The following ARHGAP6 variants were observed in gnomAD, a reference collection of about 807,000 sequenced individuals.
ARHGAP6 encodes Rho GTPase activating protein 6.
A neutral mutation model predicts 55.7 loss-of-function variants in ARHGAP6; 16 were observed. The ratio of observed to expected loss-of-function variants is 0.29; its 90% CI spans 0.19 to 0.44. ARHGAP6 has a LOEUF of 0.44. ARHGAP6 is among the 20% of genes least tolerant of loss of function. The pLI is 1.00. For missense variants in ARHGAP6, 698 were observed against 808.9 expected (o/e 0.86, Z 1.66); for synonymous variants, 382 against 360.9 (o/e 1.06, Z -0.66).
Position 11,530,929 on chromosome X carries a change from A to G in ARHGAP6, c.588+133312T>C, listed in dbSNP as rs1173455173. Among the ~76,000 whole-genome samples, 3 of 111,778 alleles carry G rather than the reference A, an allele frequency of 2.7e-5. No homozygotes were observed. In the East Asian group the frequency reaches 8.4e-4, roughly 31 times the overall value. On this transcript the variant is annotated intron_variant, in intron 1 of 12. Coordinates refer to ENST00000337414, the MANE Select transcript of ARHGAP6 (RefSeq NM_013427.3). ...TAGACTGTCACTTTGCAGTTCAATT[A>G]TAGCATAATCATACTATTTTTCTTC...
At chrX:11,499,412 A>AC (rs1187008035) in intron 1 of ARHGAP6, among the ~76,000 whole-genome samples, 1 of 111,728 alleles carries the variant, frequency 9.0e-6, no homozygotes, top group Non-Finnish European at 1.9e-5. Context: ...CCCCTTCTAA[A>AC]CACACTGTAG....
At chrX:11,409,523 A>G (rs1200612452) in intron 1 of ARHGAP6, among the ~76,000 whole-genome samples, 1 of 112,275 alleles carries the variant, frequency 8.9e-6, no homozygotes, top group Non-Finnish European at 1.9e-5. Flanking sequence ...GGAGCAGGAC[A>G]TCCATACTCA....
intron 1 of ARHGAP6, among the ~76,000 whole-genome samples, chrX:11,655,213 C>T (rs975119382): frequency 1.8e-5 from 2 of 109,825 alleles, no homozygotes; most frequent in African/African-American, 6.6e-5. Context: ...GCATAGCATT[C>T]ATCAGTACTT....
chrX:11,500,407 T>A (rs1405879047), intron 1 of ARHGAP6, among the ~76,000 whole-genome samples: 1 of 110,955 alleles, frequency 9.0e-6, no homozygotes, highest in Admixed American at 9.6e-5. Flanking sequence ...CACGCTGTAA[T>A]CCCAGCACTT....
chrX:11,177,373 G>A (rs182865977), intron 8 of ARHGAP6, among the ~76,000 whole-genome samples: 53 of 103,354 alleles, frequency 5.1e-4, no homozygotes, highest in African/African-American at 1.8e-3. Context: ...TGGTGGGCGG[G>A]GGGGGGGCAC....
chrX:11,587,605 G>T (rs1457162772), intron 1 of ARHGAP6, among the ~76,000 whole-genome samples: 2 of 111,862 alleles, frequency 1.8e-5, no homozygotes, highest in East Asian at 2.8e-4. Flanking sequence ...CTGAGCCATT[G>T]GTTCCCAATA....
chrX:11,449,005 G>T (rs2050119529), intron 1 of ARHGAP6, among the ~76,000 whole-genome samples: 1 of 111,387 alleles, frequency 9.0e-6, no homozygotes, highest in Non-Finnish European at 1.9e-5. Flanking sequence ...CTGGGAGTAA[G>T]TTTTGTTGAC....
At chrX:11,653,962 T>G (rs931488706) in intron 1 of ARHGAP6, among the ~76,000 whole-genome samples, 14 of 105,331 alleles carry the variant, frequency 1.3e-4, no homozygotes, top group African/African-American at 4.6e-4. Flanking sequence ...TTATTTTGTT[T>G]GTCACCATCA....
At chrX:11,395,359 C>T (rs2049464045) in intron 1 of ARHGAP6, among the ~76,000 whole-genome samples, 2 of 112,499 alleles carry the variant, frequency 1.8e-5, no homozygotes, top group Non-Finnish European at 3.8e-5. Flanking sequence ...ACATCTAATA[C>T]ATTTTAGAAA....
intron 1 of ARHGAP6, among the ~76,000 whole-genome samples, chrX:11,554,739 A>C: frequency 8.9e-6 from 1 of 112,150 alleles, no homozygotes; most frequent in Non-Finnish European, 1.9e-5. Flanking sequence ...GAATAATACA[A>C]AATTAAACCT....
rs752532698 is a variant in ARHGAP6, at chrX:11,326,041, G to A, written c.589-71334C>T. On this transcript the variant is annotated intron_variant, in intron 1 of 12. Coordinates refer to ENST00000337414, the MANE Select transcript of ARHGAP6 (RefSeq NM_013427.3). Reference sequence around the variant, plus strand: ...ATCTGTGCAACAAGGCAAGAAGCACGCAATTCAAAATGGTGTGAAGAGAAT... The same window carrying A: ...ATCTGTGCAACAAGGCAAGAAGCACACAATTCAAAATGGTGTGAAGAGAAT... Among the ~76,000 whole-genome samples the A allele has an allele frequency of 6.2e-5, 7 of 112,108 alleles. No individual in the cohort carries two copies. In the East Asian group the frequency reaches 1.7e-3, roughly 27 times the overall value.
At chrX:11,480,874 T>A (rs1316426879) in intron 1 of ARHGAP6, among the ~76,000 whole-genome samples, 2 of 112,080 alleles carry the variant, frequency 1.8e-5, no homozygotes, top group East Asian at 5.6e-4. Flanking sequence ...AGTTCTCTTA[T>A]CTAGCAAGAG....
At chrX:11,577,674 T>C (rs750806499) in intron 1 of ARHGAP6, among the ~76,000 whole-genome samples, 16 of 111,672 alleles carry the variant, frequency 1.4e-4, no homozygotes, top group Non-Finnish European at 3.0e-4. Flanking sequence ...GATATCTTTT[T>C]TCAGAAGAGC....
chrX:11,165,617 T>A (rs915553438), intron 9 of ARHGAP6, among the ~76,000 whole-genome samples: 16 of 112,203 alleles, frequency 1.4e-4, no homozygotes, highest in African/African-American at 4.5e-4. Flanking sequence ...GTCACATTGT[T>A]TCATCTTTTG....
intron 1 of ARHGAP6, among the ~76,000 whole-genome samples, chrX:11,399,354 C>CAAAAAAAAA (rs56197001): frequency 5.7e-5 from 2 of 35,363 alleles, no homozygotes; most frequent in African/African-American, 1.1e-4. Flanking sequence ...AATAAGCAAT[C>CAAAAAAAAA]AAAAAAAAAA....
chrX:11,359,734 A>T (rs2048983614), intron 1 of ARHGAP6, among the ~76,000 whole-genome samples: 1 of 111,988 alleles, frequency 8.9e-6, no homozygotes, highest in African/African-American at 3.2e-5. Flanking sequence ...TTTCGAAAGG[A>T]TCAACAAAAT....
At chrX:11,158,700 C>T (rs1294974895) in intron 9 of ARHGAP6, among the ~76,000 whole-genome samples, 4 of 112,143 alleles carry the variant, frequency 3.6e-5, no homozygotes, top group Non-Finnish European at 7.5e-5. Flanking sequence ...CATCTTCTCC[C>T]CTAGCAGTCA....
chrX:11,411,217 AT>A (rs2049681653), intron 1 of ARHGAP6, among the ~76,000 whole-genome samples: 1 of 83,070 alleles, frequency 1.2e-5, no homozygotes, highest in South Asian at 6.2e-4. Context: ...ATATATATAT[AT>A]ATATAAAATA....
At chrX:11,647,092 G>T (rs1289041052) in intron 1 of ARHGAP6, among the ~76,000 whole-genome samples, 1 of 112,007 alleles carries the variant, frequency 8.9e-6, no homozygotes, top group Admixed American at 9.5e-5. Context: ...AGCACCTTCC[G>T]ATACCATACT....
Sources: allele counts gnomAD v4.1 joint callset (sites outside exome capture counted in the v4.1 genomes callset), GRCh38; gene constraint gnomAD v4.1.1; transcripts MANE v1.5; gene names NCBI Gene and HGNC (gene_info 2026-07-23, HGNC 2026-07-21).